Variants in CNTNAP2 observed in about 807,000 individuals in gnomAD.
The protein encoded by CNTNAP2 is contactin-associated protein-like 2.
In CNTNAP2, 98 loss-of-function variants were observed where a neutral mutation model predicts 155.2. The observed-to-expected ratio is 0.63, with a 90% CI of 0.54 to 0.75. The LOEUF is 0.75. Ranked by LOEUF, CNTNAP2 falls within the 30% of genes least tolerant of loss-of-function variation. CNTNAP2 has a pLI of 0.00. For missense variants in CNTNAP2, 1,727 were observed against 1,688.1 expected (o/e 1.02, Z -0.40); for synonymous variants, 651 against 631.2 (o/e 1.03, Z -0.47).
Position 146,646,875 on chromosome 7 carries a change from G to A in CNTNAP2, c.98-127396G>A, listed in dbSNP as rs576712550. On this transcript the variant is annotated intron_variant, in intron 1 of 23. Coordinates refer to ENST00000361727, the MANE Select transcript of CNTNAP2 (RefSeq NM_014141.6). ...GCCTAGTGAAACAGTGCTGGTGAAT[G>A]GGGAAAAAGAGCAAAAATTAAATGG... is the stretch of plus-strand genomic sequence containing the variant. Among the ~76,000 whole-genome samples, 9 of 152,238 alleles carry A rather than the reference G, an allele frequency of 5.9e-5. No individual in the cohort carries two copies. In the South Asian group the frequency reaches 1.7e-3, roughly 28 times the overall value.
intron 21 of CNTNAP2, among the ~76,000 whole-genome samples, chr7:148,370,967 A>G (rs1637858): frequency 0.33 from 50,346 of 151,998 alleles, 8,761 homozygotes; most frequent in Non-Finnish European, 0.39. Flanking sequence ...GCATGGTGCC[A>G]TCCTCAAAAC....
intron 1 of CNTNAP2, among the ~76,000 whole-genome samples, chr7:146,203,446 C>T (rs542222712): frequency 6.6e-6 from 1 of 152,232 alleles, no homozygotes; most frequent in South Asian, 2.1e-4. Flanking sequence ...TTGGTGAACA[C>T]CAGATGAAGA....
chr7:147,025,142 C>T (rs62483991), intron 3 of CNTNAP2, among the ~76,000 whole-genome samples: 6,488 of 148,916 alleles, frequency 0.044, 179 homozygotes, highest in African/African-American at 0.066. Flanking sequence ...AAAAATTAGC[C>T]GGGTGTGGTG....
chr7:148,063,108 C>A (rs1340572633), intron 15 of CNTNAP2, among the ~76,000 whole-genome samples: 2 of 152,002 alleles, frequency 1.3e-5, no homozygotes, highest in Non-Finnish European at 2.9e-5. Flanking sequence ...GATATTGTCA[C>A]TGGGTATCGA....
intron 13 of CNTNAP2, among the ~76,000 whole-genome samples, chr7:147,869,105 A>G (rs1314221381): frequency 6.6e-6 from 1 of 152,220 alleles, no homozygotes; most frequent in Non-Finnish European, 1.5e-5. Context: ...CCGTCTTGGA[A>G]TGGAGCTCTA....
intron 13 of CNTNAP2, among the ~76,000 whole-genome samples, chr7:147,689,382 C>T (rs958347709): frequency 6.6e-6 from 1 of 152,066 alleles, no homozygotes; most frequent in Non-Finnish European, 1.5e-5. Context: ...CTCCTGACCT[C>T]AAGTGATCCT....
intron 21 of CNTNAP2, among the ~76,000 whole-genome samples, chr7:148,347,256 C>CAA (rs753738070): frequency 5.0e-5 from 5 of 99,510 alleles, no homozygotes; most frequent in East Asian, 2.9e-4. Context: ...GACTCCGTCT[C>CAA]AAAAAAAAAA....
intron 1 of CNTNAP2, among the ~76,000 whole-genome samples, chr7:146,344,405 A>G (rs1193322716): frequency 1.3e-5 from 2 of 152,094 alleles, no homozygotes; most frequent in African/African-American, 4.8e-5. Context: ...TCTTAAAATG[A>G]TATTTCAAAC....
intron 8 of CNTNAP2, among the ~76,000 whole-genome samples, chr7:147,277,102 C>T (rs974487298): frequency 2.6e-5 from 4 of 151,996 alleles, no homozygotes; most frequent in African/African-American, 7.2e-5. Context: ...TTATAAAACA[C>T]CAATGACAGC....
intron 8 of CNTNAP2, among the ~76,000 whole-genome samples, chr7:147,198,955 C>CTTTTTTT (rs531893928): frequency 1.0e-5 from 1 of 99,312 alleles, no homozygotes; most frequent in East Asian, 2.7e-4. Flanking sequence ...AATCAAAGGA[C>CTTTTTTT]TTTTTTTTTT....
rs576940852 is a variant in CNTNAP2, at chr7:147,594,783, T to C, written c.1897+32526T>C. 2.2e-4 allele frequency among the ~76,000 whole-genome samples: 34 copies of C among 152,272 alleles called. No homozygotes were observed. In the South Asian group the frequency reaches 6.6e-3, roughly 30 times the overall value. On this transcript the variant is annotated intron_variant, in intron 12 of 23. Transcript: ENST00000361727. ...TTAGGTTTTATCATAGTCAAAAGCATAGATTAACCAAGGCAAGCTCTAAAG... is the reference window on the plus strand; with the variant it reads ...TTAGGTTTTATCATAGTCAAAAGCACAGATTAACCAAGGCAAGCTCTAAAG...
At chr7:146,657,898 T>A (rs1800021711) in intron 1 of CNTNAP2, among the ~76,000 whole-genome samples, 1 of 152,088 alleles carries the variant, frequency 6.6e-6, no homozygotes, top group African/African-American at 2.4e-5. Flanking sequence ...TTATTTTCTT[T>A]TTGACAAAAT....
chr7:146,255,655 C>G (rs1462075136), intron 1 of CNTNAP2, among the ~76,000 whole-genome samples: 4 of 152,128 alleles, frequency 2.6e-5, no homozygotes, highest in Non-Finnish European at 5.9e-5. Context: ...TGTATGCAAA[C>G]CTGGATGGTG....
intron 15 of CNTNAP2, among the ~76,000 whole-genome samples, chr7:148,000,363 A>G (rs1801874911): frequency 6.6e-6 from 1 of 152,230 alleles, no homozygotes; most frequent in Admixed American, 6.5e-5. Context: ...TGATCACATA[A>G]TAATAATTGT....
At chr7:147,540,037 C>A (rs1263739581) in intron 11 of CNTNAP2, among the ~76,000 whole-genome samples, 1 of 152,188 alleles carries the variant, frequency 6.6e-6, no homozygotes, top group Non-Finnish European at 1.5e-5. Context: ...TGATACCAGA[C>A]AAAGGAAATT....
chr7:146,447,310 A>T, intron 1 of CNTNAP2, among the ~76,000 whole-genome samples: 1 of 152,104 alleles, frequency 6.6e-6, no homozygotes, highest in East Asian at 1.9e-4. Context: ...TTGTCTCAAT[A>T]ACTAGCTCTT....
intron 1 of CNTNAP2, among the ~76,000 whole-genome samples, chr7:146,662,120 A>G (rs1416718182): frequency 1.3e-5 from 2 of 150,652 alleles, no homozygotes; most frequent in Non-Finnish European, 2.9e-5. Flanking sequence ...TTTGGGGAAG[A>G]CAGTTCAGTT....
chr7:147,560,297 T>C (rs1051342862), intron 11 of CNTNAP2, among the ~76,000 whole-genome samples: 6 of 152,196 alleles, frequency 3.9e-5, no homozygotes, highest in Non-Finnish European at 8.8e-5. Context: ...ATACTCTTTT[T>C]ACCTTTTGAA....
intron 1 of CNTNAP2, among the ~76,000 whole-genome samples, chr7:146,572,864 G>C (rs1798464223): frequency 6.6e-6 from 1 of 151,972 alleles, no homozygotes; most frequent in African/African-American, 2.4e-5. Flanking sequence ...TTAGTGTCAG[G>C]GGTAAAATGA....
Sources: allele counts gnomAD v4.1 joint callset (sites outside exome capture counted in the v4.1 genomes callset), GRCh38; gene constraint gnomAD v4.1.1; transcripts MANE v1.5; gene names NCBI Gene and HGNC (gene_info 2026-07-23, HGNC 2026-07-21).